The following LSAMP variants were observed in gnomAD, a reference collection of about 807,000 sequenced individuals.
LSAMP encodes limbic system associated membrane protein.
LSAMP carries 7 observed loss-of-function variants against 38.6 expected under a neutral mutation model. The ratio of observed to expected loss-of-function variants is 0.18; its 90% CI spans 0.10 to 0.34. The LOEUF (loss-of-function observed/expected upper bound fraction) is 0.34. Among genes scored for constraint, LSAMP ranks in the 10% least tolerant of loss-of-function variants. LSAMP has a pLI of 1.00. For missense variants in LSAMP, 313 were observed against 420.0 expected, an observed-to-expected ratio of 0.75 and a Z score of 2.23; for synonymous variants, 154 against 166.8, an observed-to-expected ratio of 0.92 and a Z score of 0.59.
chr3:115,818,596 CAT>C (rs1934107135), intron 6 of LSAMP, among the ~76,000 whole-genome samples: 1 of 151,346 alleles, frequency 6.6e-6, no homozygotes, highest in Non-Finnish European at 1.5e-5. Context: ...GTGCCAGACA[CAT>C]AATAAATGCT....
intron 1 of LSAMP, among the ~76,000 whole-genome samples, chr3:116,311,158 C>G (rs189864741): frequency 8.6e-4 from 131 of 152,094 alleles, no homozygotes; most frequent in Non-Finnish European, 1.5e-3. Flanking sequence ...TTTCTAAGAC[C>G]TGGATAACCC....
chr3:115,892,403 GA>G (rs1275274619), intron 3 of LSAMP, among the ~76,000 whole-genome samples: 31 of 152,010 alleles, frequency 2.0e-4, no homozygotes, highest in Non-Finnish European at 4.4e-5. Flanking sequence ...TCACACATTG[GA>G]AAACCATACA....
At chr3:116,369,490 T>C (rs1056185808) in intron 1 of LSAMP, among the ~76,000 whole-genome samples, 1 of 152,074 alleles carries the variant, frequency 6.6e-6, no homozygotes, top group Admixed American at 6.6e-5. Context: ...GACCAAGAGA[T>C]ATAAAGTATA....
intron 1 of LSAMP, among the ~76,000 whole-genome samples, chr3:116,164,634 TATATATATATAA>T (rs1709991631): frequency 8.0e-6 from 1 of 125,356 alleles, no homozygotes; most frequent in Non-Finnish European, 1.7e-5. Flanking sequence ...TCCAAATATA[TATATATATATAA>T]TCCAAATATA....
chr3:116,346,745 C>T (rs548371745), intron 1 of LSAMP, among the ~76,000 whole-genome samples: 3 of 152,188 alleles, frequency 2.0e-5, no homozygotes, highest in African/African-American at 2.4e-5. Context: ...ATAGATATTT[C>T]AGGCAGGCCT....
intron 1 of LSAMP, among the ~76,000 whole-genome samples, chr3:116,116,019 T>C (rs1014021945): frequency 1.6e-5 from 2 of 128,376 alleles, no homozygotes; most frequent in Non-Finnish European, 3.0e-5. Flanking sequence ...TTTCCTCTCA[T>C]TTTTTTTTTC....
intron 6 of LSAMP, among the ~76,000 whole-genome samples, chr3:115,825,767 T>C (rs1449519916): frequency 3.3e-5 from 5 of 152,204 alleles, no homozygotes; most frequent in Non-Finnish European, 7.3e-5. Flanking sequence ...ATGAGGGTAA[T>C]TGGGATATCC....
chr3:116,044,505 G>T (rs796964727), intron 2 of LSAMP, among the ~76,000 whole-genome samples: 2 of 152,092 alleles, frequency 1.3e-5, no homozygotes, highest in South Asian at 4.1e-4. Context: ...TGTGATGTTT[G>T]TGTGTTCATG....
At chr3:116,233,040 A>C (rs886831746) in intron 1 of LSAMP, among the ~76,000 whole-genome samples, 2 of 152,120 alleles carry the variant, frequency 1.3e-5, no homozygotes, top group Non-Finnish European at 2.9e-5. Context: ...TACACAGTTG[A>C]TTCTTTTCTC....
chr3:116,270,192 A>G (rs1391237897), intron 1 of LSAMP, among the ~76,000 whole-genome samples: 1 of 152,114 alleles, frequency 6.6e-6, no homozygotes, highest in African/African-American at 2.4e-5. Context: ...TAAGTATGTC[A>G]TTGGTCAATT....
At chr3:116,181,036 T>A (rs1275115933) in intron 1 of LSAMP, among the ~76,000 whole-genome samples, 1 of 152,076 alleles carries the variant, frequency 6.6e-6, no homozygotes, top group African/African-American at 2.4e-5. Context: ...AGTGACTCTT[T>A]TAACCATTAG....
At chr3:115,975,994 T>C (rs1211248414) in intron 3 of LSAMP, among the ~76,000 whole-genome samples, 1 of 152,206 alleles carries the variant, frequency 6.6e-6, no homozygotes, top group Non-Finnish European at 1.5e-5. Context: ...AGCTCTTTCA[T>C]GGTAATCATT....
intron 2 of LSAMP, among the ~76,000 whole-genome samples, chr3:116,058,560 A>C (rs1459830348): frequency 6.6e-6 from 1 of 152,136 alleles, no homozygotes; most frequent in Non-Finnish European, 1.5e-5. Context: ...CCCCAAGTCA[A>C]AGTTTCTACT....
At chr3:115,905,722 G>T (rs998348310) in intron 3 of LSAMP, among the ~76,000 whole-genome samples, 23 of 152,094 alleles carry the variant, frequency 1.5e-4, no homozygotes, top group Admixed American at 1.4e-3. Flanking sequence ...TTATAAGGCC[G>T]ATAAAAGATG....
chr3:116,246,474 A>G (rs2046607086), intron 1 of LSAMP, among the ~76,000 whole-genome samples: 1 of 152,130 alleles, frequency 6.6e-6, no homozygotes, highest in Admixed American at 6.6e-5. Context: ...TTTTTGCAGT[A>G]CTACCTTATT....
At chr3:115,837,427 A>G (rs1361985682) in intron 6 of LSAMP, among the ~76,000 whole-genome samples, 1 of 151,912 alleles carries the variant, frequency 6.6e-6, no homozygotes, top group African/African-American at 2.4e-5. Flanking sequence ...TCTCCTCCTT[A>G]TTCTCCTCCT....
chr3:116,146,843 TA>T (rs1240332383), intron 1 of LSAMP, among the ~76,000 whole-genome samples: 2 of 151,940 alleles, frequency 1.3e-5, no homozygotes, highest in Admixed American at 1.3e-4. Flanking sequence ...TAAAATAAGA[TA>T]TTTTTCACAT....
rs78921367 is a variant in LSAMP, at chr3:116,084,864, T to C, written c.388+1460A>G. On this transcript the variant is annotated intron_variant, in intron 2 of 6. Transcript: ENST00000490035. Reference sequence around the variant, plus strand: ...CGAGATAATCTGAATAACTGGTCAGTAGGTAAAATCTGTTCTAAGTGATCC... The same window carrying C: ...CGAGATAATCTGAATAACTGGTCAGCAGGTAAAATCTGTTCTAAGTGATCC... Among the ~76,000 whole-genome samples, 1,295 of 152,228 alleles carry C rather than the reference T, an allele frequency of 8.5e-3. 52 individuals carry two copies. Among genetic ancestry groups the C allele is most frequent in the Admixed American group, 0.067 (1,021 of 15,284 alleles).
intron 1 of LSAMP, among the ~76,000 whole-genome samples, chr3:116,089,728 G>A (rs1708076895): frequency 6.6e-6 from 1 of 151,784 alleles, no homozygotes; most frequent in South Asian, 2.1e-4. Context: ...ATACAGTATA[G>A]TGTTTTTAAA....
Sources: gnomAD v4.1 joint callset for allele counts (sites outside exome capture counted in the v4.1 genomes callset) on GRCh38, gnomAD v4.1.1 for gene constraint, MANE v1.5 for transcripts, NCBI Gene and HGNC (gene_info 2026-07-23, HGNC 2026-07-21) for gene names.